Variants in EXOC6B observed in about 807,000 individuals in gnomAD.
EXOC6B encodes exocyst complex component 6B.
Under a neutral mutation model 113.5 loss-of-function variants are expected in EXOC6B, and 54 were observed. The observed-to-expected ratio is 0.48, with a 90% CI of 0.38 to 0.60. EXOC6B has a LOEUF of 0.60. Ranked by LOEUF, EXOC6B falls within the 20% of genes least tolerant of loss-of-function variation. EXOC6B has a pLI of 0.00. For missense variants in EXOC6B, 797 were observed against 977.5 expected (o/e 0.82, Z 2.46); for synonymous variants, 357 against 339.0 (o/e 1.05, Z -0.58).
intron 18 of EXOC6B, among the ~76,000 whole-genome samples, chr2:72,392,483 T>C (rs142955596): frequency 1.1e-4 from 16 of 152,376 alleles, no homozygotes; most frequent in Admixed American, 4.6e-4. Context: ...ACAATTTGTC[T>C]ATTCTTTCCC....
intron 6 of EXOC6B, among the ~76,000 whole-genome samples, chr2:72,669,120 T>C (rs1331194145): frequency 6.6e-6 from 1 of 151,960 alleles, no homozygotes; most frequent in South Asian, 2.1e-4. Context: ...AAATAAATTC[T>C]ATTAGTTTAA....
chr2:72,736,669 A>G (rs1680986811), intron 2 of EXOC6B, among the ~76,000 whole-genome samples: 1 of 152,168 alleles, frequency 6.6e-6, no homozygotes, highest in Non-Finnish European at 1.5e-5. Flanking sequence ...ACCAACCAAC[A>G]AGTGATATCA....
At chr2:72,443,899 C>G (rs959378671) in intron 18 of EXOC6B, among the ~76,000 whole-genome samples, 2 of 152,080 alleles carry the variant, frequency 1.3e-5, no homozygotes, top group African/African-American at 4.8e-5. Flanking sequence ...ATCATTCTGC[C>G]CATAGGCCCT....
At chr2:72,277,000 C>T (rs958196466) in intron 20 of EXOC6B, among the ~76,000 whole-genome samples, 1 of 152,144 alleles carries the variant, frequency 6.6e-6, no homozygotes, top group African/African-American at 2.4e-5. Context: ...TTCAGAGGAT[C>T]ATTTTGGCAA....
chr2:72,390,789 C>T (rs1692328174), intron 18 of EXOC6B, among the ~76,000 whole-genome samples: 1 of 152,116 alleles, frequency 6.6e-6, no homozygotes, highest in Non-Finnish European at 1.5e-5. Context: ...CATCCCCACC[C>T]CCATCTCTTC....
At chr2:72,458,487 T>G (rs1697390435) in intron 18 of EXOC6B, among the ~76,000 whole-genome samples, 1 of 152,070 alleles carries the variant, frequency 6.6e-6, no homozygotes. Context: ...TTCAGAAAAG[T>G]GTAGACAAGA....
At chr2:72,482,516 CATATG>C (rs1355279558) in intron 16 of EXOC6B, among the ~76,000 whole-genome samples, 1 of 151,350 alleles carries the variant, frequency 6.6e-6, no homozygotes, top group East Asian at 1.9e-4. Context: ...GTGGGGGTGG[CATATG>C]ACACAAAGCA....
chr2:72,404,192 A>G (rs528725312), intron 18 of EXOC6B, among the ~76,000 whole-genome samples: 1 of 152,318 alleles, frequency 6.6e-6, no homozygotes, highest in South Asian at 2.1e-4. Context: ...AGGCTTGAGT[A>G]GGTAGACAAA....
At chr2:72,631,044 C>T (rs966876472) in intron 6 of EXOC6B, among the ~76,000 whole-genome samples, 3 of 152,034 alleles carry the variant, frequency 2.0e-5, no homozygotes, top group Admixed American at 6.6e-5. Context: ...TGCATTACCA[C>T]CACTAATCAG....
chr2:72,403,748 T>A (rs936210800), intron 18 of EXOC6B, among the ~76,000 whole-genome samples: 1 of 152,020 alleles, frequency 6.6e-6, no homozygotes, highest in African/African-American at 2.4e-5. Context: ...GATGGCCAAA[T>A]AGGAACAGCT....
intron 20 of EXOC6B, among the ~76,000 whole-genome samples, chr2:72,293,999 C>A (rs1685967354): frequency 6.6e-6 from 1 of 151,106 alleles, no homozygotes. Flanking sequence ...AAAGTAAAAA[C>A]TGCATTGCAT....
chr2:72,617,517 C>CTTTTTTTTTTT (rs201912352), intron 6 of EXOC6B, among the ~76,000 whole-genome samples: 7 of 96,950 alleles, frequency 7.2e-5, no homozygotes, highest in Admixed American at 1.4e-4. Context: ...AATCTTTTTT[C>CTTTTTTTTTTT]TTTTTTTTTT....
chr2:72,503,683 GTTTTCAACTC>G (rs1700449994), intron 11 of EXOC6B, among the ~76,000 whole-genome samples: 1 of 152,140 alleles, frequency 6.6e-6, no homozygotes. Context: ...GTGGAAGTAA[GTTTTCAACTC>G]ATTTGGAAAA....
intron 20 of EXOC6B, among the ~76,000 whole-genome samples, chr2:72,311,012 A>G (rs1313546886): frequency 6.6e-6 from 1 of 152,102 alleles, no homozygotes; most frequent in Non-Finnish European, 1.5e-5. Context: ...AGCTCTGTCT[A>G]AATGCACAGA....
At chr2:72,684,628 C>T (rs1676951634) in intron 6 of EXOC6B, among the ~76,000 whole-genome samples, 1 of 152,166 alleles carries the variant, frequency 6.6e-6, no homozygotes, top group African/African-American at 2.4e-5. Context: ...GAATACAGCT[C>T]ATTAATGAAA....
intron 7 of EXOC6B, among the ~76,000 whole-genome samples, chr2:72,562,765 G>A (rs1286361179): frequency 6.6e-6 from 1 of 152,098 alleles, no homozygotes; most frequent in Non-Finnish European, 1.5e-5. Flanking sequence ...AACATGATTA[G>A]AATAGTTAAA....
chr2:72,297,444 A>G (rs1414545996), intron 20 of EXOC6B, among the ~76,000 whole-genome samples: 2 of 151,984 alleles, frequency 1.3e-5, no homozygotes, highest in African/African-American at 4.8e-5. Flanking sequence ...TGTTCCCATC[A>G]TTTAGCTCCC....
chr2:72,779,302 AT>A (rs1254013415), intron 1 of EXOC6B, among the ~76,000 whole-genome samples: 1 of 151,426 alleles, frequency 6.6e-6, no homozygotes, highest in East Asian at 1.9e-4. Flanking sequence ...AAGCATATAT[AT>A]ATTATATTAT....
chr2:72,790,943 G>A (rs1684639054), intron 1 of EXOC6B, among the ~76,000 whole-genome samples: 1 of 152,158 alleles, frequency 6.6e-6, no homozygotes, highest in Non-Finnish European at 1.5e-5. Context: ...GCTGGGAACA[G>A]AATGGGGAAG....
Sources: gnomAD v4.1 joint callset for allele counts (sites outside exome capture counted in the v4.1 genomes callset) on GRCh38, gnomAD v4.1.1 for gene constraint, MANE v1.5 for transcripts, NCBI Gene and HGNC (gene_info 2026-07-23, HGNC 2026-07-21) for gene names.